The following MGAT4C variants were observed in gnomAD, a reference collection of about 807,000 sequenced individuals.
MGAT4C encodes the protein alpha-1,3-mannosyl-glycoprotein 4-beta-N-acetylglucosaminyltransferase C.
Under a neutral mutation model 40.1 loss-of-function variants are expected in MGAT4C, and 19 were observed. That is an observed-to-expected ratio of 0.47 (90% CI 0.33 to 0.70). The LOEUF (loss-of-function observed/expected upper bound fraction) is 0.70. Ranked by LOEUF, MGAT4C falls within the 30% of genes least tolerant of loss-of-function variation. The pLI is 0.02. For missense variants in MGAT4C, 491 were observed against 563.2 expected, an observed-to-expected ratio of 0.87 and a Z score of 1.30; for synonymous variants, 181 against 187.1, an observed-to-expected ratio of 0.97 and a Z score of 0.27.
Position 85,979,759 on chromosome 12 carries a change from T to C in MGAT4C, c.967A>G (p.Asn323Asp). The change falls in exon 5 of 5, where the codon AAT (asparagine) becomes GAT (aspartate). Residue 323 changes from asparagine (N) to aspartate (D), a missense_variant. Physicochemically the swap from Asn to Asp is conservative, Grantham distance 23 (BLOSUM62 1). Coordinates refer to ENST00000611864, the MANE Select transcript of MGAT4C (RefSeq NM_001351288.2). ...TCAAAATCATCATCCTTCAGCTTATTCTCCGTCCCTTTGTATGATGAATAA... is the reference window on the plus strand; with the variant it reads ...TCAAAATCATCATCCTTCAGCTTATCCTCCGTCCCTTTGTATGATGAATAA... Reference protein sequence around the residue: ...GYYSSYKGTENKLKDDDFEEE... With the variant: ...GYYSSYKGTEDKLKDDDFEEE... 1 of 1,613,592 alleles carries C rather than the reference T, an allele frequency of 6.2e-7. No homozygotes were observed. Among genetic ancestry groups the C allele is most frequent in the South Asian group, 1.1e-5 (1 of 91,088 alleles).
At chr12:86,038,344 T>C (rs781366458) in intron 2 of MGAT4C, among the ~76,000 whole-genome samples, 3 of 149,526 alleles carry the variant, frequency 2.0e-5, no homozygotes, top group African/African-American at 4.9e-5. Context: ...CTGTCTCAGC[T>C]TTTTTCCCAA....
At chr12:86,416,647 C>A (rs1187964893) in intron 3 of MGAT4C, among the ~76,000 whole-genome samples, 1 of 152,024 alleles carries the variant, frequency 6.6e-6, no homozygotes, top group Non-Finnish European at 1.5e-5. Context: ...ATGTAAATGG[C>A]ACTTGATATA....
At chr12:86,247,637 A>C (rs1221419104) in intron 1 of MGAT4C, among the ~76,000 whole-genome samples, 1 of 152,238 alleles carries the variant, frequency 6.6e-6, no homozygotes, top group African/African-American at 2.4e-5. Context: ...TTGAATAATA[A>C]ATTTGAAGTA....
chr12:86,267,865 G>A (rs1007637411), intron 4 of MGAT4C, among the ~76,000 whole-genome samples: 2 of 152,112 alleles, frequency 1.3e-5, no homozygotes, highest in Non-Finnish European at 2.9e-5. Flanking sequence ...TTATGTAGAC[G>A]TATCAATTGC....
intron 2 of MGAT4C, among the ~76,000 whole-genome samples, chr12:86,633,999 A>G (rs952282834): frequency 2.0e-5 from 3 of 152,116 alleles, no homozygotes; most frequent in Non-Finnish European, 4.4e-5. Flanking sequence ...TGAAGAAATC[A>G]ACGGGGAAAC....
At chr12:86,467,894 C>G (rs1468001918) in intron 2 of MGAT4C, among the ~76,000 whole-genome samples, 1 of 151,992 alleles carries the variant, frequency 6.6e-6, no homozygotes, top group African/African-American at 2.4e-5. Flanking sequence ...TGACAAATAT[C>G]AAATTAATTT....
intron 1 of MGAT4C, among the ~76,000 whole-genome samples, chr12:86,781,065 C>T (rs1051071147): frequency 6.6e-6 from 1 of 151,246 alleles, no homozygotes; most frequent in African/African-American, 2.4e-5. Flanking sequence ...TTTTTCTTAT[C>T]ATCTGTTAAT....
chr12:86,576,560 C>T (rs773861878), intron 2 of MGAT4C, among the ~76,000 whole-genome samples: 1 of 151,846 alleles, frequency 6.6e-6, no homozygotes, highest in Non-Finnish European at 1.5e-5. Flanking sequence ...TTTTCCAGCA[C>T]CATTTATTGA....
rs71078909 is a variant in MGAT4C at position 86,538,608 on chromosome 12, CT to C, written c.-228-103344del. On this transcript the variant is annotated intron_variant, in intron 2 of 7. Transcript: ENST00000548651. ...TGTCTGTGCTCAAAGTGTAATACTT[CT>C]TTTTTTTTTTTTTTTGAGACAAGAG... is the stretch of plus-strand genomic sequence containing the variant. Among the ~76,000 whole-genome samples the C allele has an allele frequency of 3.8e-3, 525 of 138,278 alleles. 3 individuals are homozygous for C. Among genetic ancestry groups the C allele is most frequent in the African/African-American group, 0.011 (430 of 37,484 alleles). 90.7% of individuals were successfully genotyped at this position (138,278 alleles called of 152,430 possible).
chr12:86,340,384 A>T (rs1419652561), intron 3 of MGAT4C, among the ~76,000 whole-genome samples: 1 of 152,152 alleles, frequency 6.6e-6, no homozygotes, highest in Non-Finnish European at 1.5e-5. Context: ...TGTTTAAAAA[A>T]TGTTTAGCTT....
intron 3 of MGAT4C, among the ~76,000 whole-genome samples, chr12:86,400,669 T>C (rs1956339931): frequency 6.6e-6 from 1 of 152,220 alleles, no homozygotes; most frequent in Non-Finnish European, 1.5e-5. Context: ...TACACTTTTT[T>C]GTGTTTTCTG....
intron 2 of MGAT4C, among the ~76,000 whole-genome samples, chr12:86,465,527 C>A (rs938648877): frequency 5.3e-5 from 8 of 151,250 alleles, no homozygotes; most frequent in Non-Finnish European, 1.2e-4. Flanking sequence ...TAAACCTCAA[C>A]AATAAAAAGC....
rs1883251926 is a variant in MGAT4C at position 85,964,324 on chromosome 12, G to A, written c.*14965C>T. ...TATTTTGCAAAAATGTAAGACAAAT[G>A]TATAGGATATTTTTCTCTGTTGTTA... is the stretch of plus-strand genomic sequence containing the variant. On this transcript the variant is annotated 3_prime_UTR_variant, in exon 5 of 5. Coordinates refer to ENST00000611864, the MANE Select transcript of MGAT4C (RefSeq NM_001351288.2). 6.6e-6 allele frequency: 1 copy of A among 151,958 alleles called. No individual in the cohort carries two copies. The highest frequency in any genetic ancestry group is 2.4e-5 in the African/African-American group (1 of 41,400). The allele number at this position is 151,958 out of a possible 1,614,324, so 9.4% of individuals were successfully genotyped here.
intron 2 of MGAT4C, among the ~76,000 whole-genome samples, chr12:86,480,197 T>C (rs1463153062): frequency 6.6e-6 from 1 of 151,756 alleles, no homozygotes; most frequent in East Asian, 1.9e-4. Context: ...AAAACCACTC[T>C]TGCCATTAGA....
intron 3 of MGAT4C, among the ~76,000 whole-genome samples, chr12:86,419,700 T>A (rs1956785211): frequency 6.6e-6 from 1 of 152,146 alleles, no homozygotes. Context: ...CCATTTCACT[T>A]CATGAAGTTT....
At chr12:85,980,565 C>T (rs1884473533) in intron 4 of MGAT4C, 135 bp from the exon 5 acceptor site, 1 of 705,838 alleles carries the variant, frequency 1.4e-6, no homozygotes, top group Admixed American at 3.3e-5. Context: ...ATGCACAGAA[C>T]ATTTTATGAT....
intron 1 of MGAT4C, among the ~76,000 whole-genome samples, chr12:86,816,601 A>T (rs777179755): frequency 6.6e-6 from 1 of 151,756 alleles, no homozygotes; most frequent in Non-Finnish European, 1.5e-5. Flanking sequence ...GGTTAAAAAA[A>T]ATTAGATAAG....
At chr12:86,754,830 T>C (rs1464712585) in intron 1 of MGAT4C, among the ~76,000 whole-genome samples, 1 of 152,148 alleles carries the variant, frequency 6.6e-6, no homozygotes, top group Non-Finnish European at 1.5e-5. Flanking sequence ...TTGTCAATAT[T>C]TTCCTCTGTT....
intron 2 of MGAT4C, among the ~76,000 whole-genome samples, chr12:86,027,173 G>A (rs1474430281): frequency 6.6e-6 from 1 of 151,828 alleles, no homozygotes; most frequent in Non-Finnish European, 1.5e-5. Context: ...TGTCATAATA[G>A]AAGAGGAAAG....
Sources: gnomAD v4.1 joint callset for allele counts (sites outside exome capture counted in the v4.1 genomes callset) on GRCh38, gnomAD v4.1.1 for gene constraint, MANE v1.5 for transcripts, NCBI Gene and HGNC (gene_info 2026-07-23, HGNC 2026-07-21) for gene names.